Variants in TYW5 observed in about 807,000 individuals in gnomAD.
TYW5 encodes the protein tRNA-yW synthesizing protein 5.
A neutral mutation model predicts 44.4 loss-of-function variants in TYW5; 36 were observed. The ratio of observed to expected loss-of-function variants is 0.81; its 90% CI spans 0.62 to 1.07. The LOEUF (loss-of-function observed/expected upper bound fraction) is 1.07, where lower values mean the gene tolerates loss of function less well. Ranked by LOEUF, TYW5 falls within the 50% of genes least tolerant of loss-of-function variation. TYW5 has a pLI of 0.00. For missense variants in TYW5, 354 were observed against 365.7 expected (o/e 0.97, Z 0.26); for synonymous variants, 121 against 128.1 (o/e 0.94, Z 0.37).
At chr2:199,950,877 G>T (rs2077539484) in intron 1 of TYW5, among the ~76,000 whole-genome samples, 2 of 152,162 alleles carry the variant, frequency 1.3e-5, no homozygotes, top group South Asian at 4.1e-4. Flanking sequence ...AAACAAGGGG[G>T]TATGAAAGCA....
In TYW5 at chr2:199,955,434, C is replaced by G; in HGVS notation, c.37G>C (p.Gly13Arg). 6.2e-7 allele frequency: 1 copy of G among 1,613,982 alleles called. No individual in the cohort carries two copies. Among genetic ancestry groups the G allele is most frequent in the East Asian group, 2.2e-5 (1 of 44,878 alleles). ...GQHLPVPRLE[G>R]VSREQFMQHL... ...TGCATGAACTGCTCCCGAGAAACGC[C>G]CTCCAGCCGGGGTACCGGGAGGTGC... The change falls in exon 1 of 8, where the codon GGC becomes CGC. Residue 13 changes from glycine to arginine, a missense_variant. By Grantham distance (125) the Gly-to-Arg change is moderately radical (BLOSUM62 -2). Transcript: ENST00000354611.
Position 199,955,374 on chromosome 2 carries a change from C to T in TYW5, c.78+19G>A. 1 of 1,611,622 alleles carries T rather than the reference C, an allele frequency of 6.2e-7. No individual in the cohort carries two copies. Among genetic ancestry groups the T allele is most frequent in the Non-Finnish European group, 8.5e-7 (1 of 1,179,094 alleles). ...CTCTCGCTGGTTTCTCGAGGTTCTG[C>T]CCCGCGCGAGGGCCTCACCTGTGGG... On this transcript the variant is annotated intron_variant, in intron 1 of 7. Transcript: ENST00000354611.
In TYW5 at chr2:199,933,000, C is replaced by A. The variant is rs1254545478; in HGVS notation, c.*67G>T. The A allele has an allele frequency of 2.0e-6, 3 of 1,536,662 alleles. No individual in the cohort carries two copies. Among genetic ancestry groups the A allele is most frequent in the East Asian group, 4.5e-5 (2 of 44,284 alleles). ...ATCTGATGTATCTTTCCTATTTTAA[C>A]AAAATCTTTAATTTATATCGTTATA... On this transcript the variant is annotated 3_prime_UTR_variant, in exon 8 of 8. Coordinates refer to ENST00000354611, the MANE Select transcript of TYW5 (RefSeq NM_001039693.3).
chr2:199,952,661 A>G (rs2077555042), intron 1 of TYW5, among the ~76,000 whole-genome samples: 1 of 152,194 alleles, frequency 6.6e-6, no homozygotes, highest in South Asian at 2.1e-4. Flanking sequence ...CAAATGTTTC[A>G]TGCAGTCAAA....
At chr2:199,939,259 ACGCCCAG>A (rs2077446125) in intron 4 of TYW5, among the ~76,000 whole-genome samples, 189 bp from the exon 5 acceptor site, 1 of 151,812 alleles carries the variant, frequency 6.6e-6, no homozygotes, top group African/African-American at 2.4e-5. Context: ...ACCTCCCACC[ACGCCCAG>A]CTAATTTTTG....
rs572552132 is a variant in TYW5 at position 199,939,766 on chromosome 2, C to G, written c.348+323G>C. Among the ~76,000 whole-genome samples the G allele has an allele frequency of 1.4e-4, 22 of 152,262 alleles. No homozygotes were observed. In the South Asian group the frequency reaches 4.6e-3, roughly 32 times the overall value. Reference sequence around the variant, plus strand: ...TACATGTCAAAACTTATACAATGAACTATTCAGGATTCTAATAATTATTTC... The same window carrying G: ...TACATGTCAAAACTTATACAATGAAGTATTCAGGATTCTAATAATTATTTC... On this transcript the variant is annotated intron_variant, in intron 4 of 7. Transcript: ENST00000354611.
chr2:199,936,913 A>G (rs2077425280), intron 5 of TYW5, among the ~76,000 whole-genome samples: 1 of 152,196 alleles, frequency 6.6e-6, no homozygotes, highest in Non-Finnish European at 1.5e-5. Flanking sequence ...AACTGCTGCT[A>G]CACTCTTAAT....
At chr2:199,933,674 A>C (rs2105688475) in intron 7 of TYW5, among the ~76,000 whole-genome samples, 1 of 152,302 alleles carries the variant, frequency 6.6e-6, no homozygotes, top group South Asian at 2.1e-4. Flanking sequence ...CAACCACATC[A>C]AAGTGTTTAT....
intron 1 of TYW5, among the ~76,000 whole-genome samples, chr2:199,953,427 T>G (rs1008407653): frequency 1.7e-4 from 26 of 152,232 alleles, no homozygotes; most frequent in Admixed American, 1.3e-3. Flanking sequence ...GCTATCCATG[T>G]GTCAGGGCAG....
rs33943305 is a variant in TYW5, at chr2:199,929,554, A to ATTT, written c.*3510_*3512dup. On this transcript the variant is annotated 3_prime_UTR_variant, in exon 8 of 8. Transcript: ENST00000354611. Reference sequence around the variant, plus strand: ...CCAGGCCTGCCTTCCAGCTTCCTGCATTTTTTTTTTTTTTTTTTTGTCAAC... The same window carrying ATTT: ...CCAGGCCTGCCTTCCAGCTTCCTGCATTTTTTTTTTTTTTTTTTTTTTGTCAAC... Among the ~76,000 whole-genome samples the ATTT allele has an allele frequency of 1.9e-5, 2 of 107,540 alleles. No individual in the cohort carries two copies. Among genetic ancestry groups the ATTT allele is most frequent in the South Asian group, 3.2e-4 (1 of 3,150 alleles). 70.6% of individuals were successfully genotyped at this position (107,540 alleles called of 152,430 possible). A position where few individuals can be genotyped will look rare whatever the true frequency, so the allele number is the denominator to read the frequency against.
At chr2:199,933,367 TAAAAAAA>T in intron 7 of TYW5, 44 bp from the exon 8 acceptor site, 2 of 1,520,316 alleles carry the variant, frequency 1.3e-6, no homozygotes. Context: ...AACCTACAGT[TAAAAAAA>T]AACCCAAAAT....
Position 199,929,950 on chromosome 2 carries a change from TC to T in TYW5, c.*3116del, listed in dbSNP as rs1364274734. 2 of 150,846 alleles carry T rather than the reference TC, an allele frequency of 1.3e-5. No individual in the cohort carries two copies. Among genetic ancestry groups the T allele is most frequent in the African/African-American group, 2.5e-5 (1 of 40,390 alleles). 9.3% of individuals were successfully genotyped at this position (150,846 alleles called of 1,614,324 possible). ...TGGGACTACAGGTGTGGACCACCAC[TC>T]CCCAGCTCTGCATATAATATTTTTT... On this transcript the variant is annotated 3_prime_UTR_variant, in exon 8 of 8. Coordinates refer to ENST00000354611, the MANE Select transcript of TYW5 (RefSeq NM_001039693.3).
chr2:199,949,039 C>T (rs1284510196), intron 1 of TYW5, among the ~76,000 whole-genome samples: 1 of 151,998 alleles, frequency 6.6e-6, no homozygotes, highest in Non-Finnish European at 1.5e-5. Flanking sequence ...TATATAACCA[C>T]AGAATAATTA....
intron 4 of TYW5, 67 bp downstream of exon 4, chr2:199,940,022 T>G (rs2077451538): frequency 7.1e-7 from 1 of 1,407,090 alleles, no homozygotes; most frequent in Non-Finnish European, 1.0e-6. Context: ...AAAATTACAG[T>G]GTTGCCAGTT....
intron 1 of TYW5, among the ~76,000 whole-genome samples, chr2:199,953,289 C>G (rs2077561478): frequency 6.6e-6 from 1 of 151,982 alleles, no homozygotes. Flanking sequence ...TGCCACTGTA[C>G]TCCAGCCTGG....
rs543823087 is a variant in TYW5 at position 199,931,799 on chromosome 2, C to T, written c.*1268G>A. On this transcript the variant is annotated 3_prime_UTR_variant, in exon 8 of 8. Transcript: ENST00000354611. The stretch of plus-strand genomic sequence containing the variant: ...ACTAAGAGATTGCTTTAGATGAACA[C>T]ATTTATGTTCAGTGAAGATTATGTG... The T allele has an allele frequency of 1.3e-5, 2 of 152,106 alleles. No individual in the cohort carries two copies. Among genetic ancestry groups the T allele is most frequent in the African/African-American group, 2.4e-5 (1 of 41,436 alleles). The allele number at this position is 152,106 out of a possible 1,614,324, so 9.4% of individuals were successfully genotyped here.
rs895385095 is a variant in TYW5 at position 199,949,057 on chromosome 2, T to C, written c.79-585A>G. 3.5e-4 allele frequency among the ~76,000 whole-genome samples: 53 copies of C among 152,198 alleles called. 1 individual carries two copies. The highest frequency in any genetic ancestry group is 1.1e-3 in the African/African-American group (47 of 41,538). On this transcript the variant is annotated intron_variant, in intron 1 of 7. Coordinates refer to ENST00000354611, the MANE Select transcript of TYW5 (RefSeq NM_001039693.3). ...ATAACCACAGAATAATTACCAAAAT[T>C]ATATTTAACACTGATGTAGGCTGGG...
intron 1 of TYW5, among the ~76,000 whole-genome samples, chr2:199,952,007 A>T (rs998423961): frequency 2.0e-5 from 3 of 148,436 alleles, no homozygotes; most frequent in African/African-American, 7.5e-5. Context: ...ACAGAGCAAG[A>T]CTCCGTCTCA....
chr2:199,943,858 T>C (rs1574803222), intron 2 of TYW5, 24 bp from the exon 3 acceptor site: 8 of 1,580,196 alleles, frequency 5.1e-6, no homozygotes, highest in Non-Finnish European at 6.0e-6. Flanking sequence ...AAAGGAATCC[T>C]TGGACTTAAT....
Sources: gnomAD v4.1 joint callset for allele counts (sites outside exome capture counted in the v4.1 genomes callset) on GRCh38, gnomAD v4.1.1 for gene constraint, MANE v1.5 for transcripts, NCBI Gene and HGNC (gene_info 2026-07-23, HGNC 2026-07-21) for gene names.